PTPN11: variants seen among roughly 807,000 people sequenced by gnomAD.
PTPN11 encodes protein tyrosine phosphatase non-receptor type 11, also known as tyrosine-protein phosphatase non-receptor type 11.
A neutral mutation model predicts 78.8 loss-of-function variants in PTPN11; 6 were observed. That is an observed-to-expected ratio of 0.08 (90% CI 0.04 to 0.15). The LOEUF (loss-of-function observed/expected upper bound fraction) is 0.15. PTPN11 is among the 10% of genes least tolerant of loss of function. PTPN11 has a pLI of 1.00. For synonymous variants in PTPN11, 221 were observed against 263.5 expected, an observed-to-expected ratio of 0.84 and a Z score of 1.56; for missense variants, 386 against 744.8, an observed-to-expected ratio of 0.52 and a Z score of 5.61.
chr12:112,469,041 G>GT (rs1271430059), intron 6 of PTPN11, among the ~76,000 whole-genome samples: 1 of 152,118 alleles, frequency 6.6e-6, no homozygotes, highest in Non-Finnish European at 1.5e-5. Context: ...TCCAGCCTGG[G>GT]TGAGAGAGCA....
chr12:112,495,252 C>G (rs1252165811), intron 13 of PTPN11, among the ~76,000 whole-genome samples: 1 of 152,140 alleles, frequency 6.6e-6, no homozygotes, highest in African/African-American at 2.4e-5. Context: ...AATGAATATC[C>G]TTTTTCTGTT....
chr12:112,488,301 A>G, intron 11 of PTPN11, 142 bp from the exon 12 acceptor site: 10 of 844,398 alleles, frequency 1.2e-5, no homozygotes, highest in South Asian at 2.8e-5. Context: ...TTTTGCCAAC[A>G]TATTTTCAAA....
At chr12:112,437,238 C>T (rs1433479943) in intron 1 of PTPN11, among the ~76,000 whole-genome samples, 2 of 152,056 alleles carry the variant, frequency 1.3e-5, no homozygotes, top group East Asian at 3.9e-4. Flanking sequence ...GCAGCCTCTG[C>T]CTCCCGCCTC....
intron 4 of PTPN11, 122 bp from the exon 5 acceptor site, chr12:112,454,442 A>G: frequency 2.5e-6 from 2 of 808,462 alleles, no homozygotes; most frequent in Non-Finnish European, 4.3e-6. Context: ...TTTGATGGAC[A>G]TTTAAGTTGT....
At chr12:112,475,729 TTGTG>T (rs902672333) in intron 7 of PTPN11, among the ~76,000 whole-genome samples, 46 of 152,326 alleles carry the variant, frequency 3.0e-4, no homozygotes, top group African/African-American at 1.0e-3. Context: ...AAACCATTCT[TTGTG>T]TGTGTCTATG....
At chr12:112,428,396 CTTTTT>C (rs11312766) in intron 1 of PTPN11, among the ~76,000 whole-genome samples, 35 of 84,478 alleles carry the variant, frequency 4.1e-4, no homozygotes, top group African/African-American at 1.3e-3. Flanking sequence ...TGTGTGTTGT[CTTTTT>C]TTTTTTTTTT....
intron 1 of PTPN11, among the ~76,000 whole-genome samples, chr12:112,442,555 G>T (rs2037909894): frequency 6.6e-6 from 1 of 151,572 alleles, no homozygotes; most frequent in South Asian, 2.1e-4. Flanking sequence ...GGGTTCAAGT[G>T]ATTCTCCTGC....
At chr12:112,472,758 C>T (rs928840197) in intron 6 of PTPN11, among the ~76,000 whole-genome samples, 186 bp from the exon 7 acceptor site, 2 of 152,280 alleles carry the variant, frequency 1.3e-5, no homozygotes, top group African/African-American at 2.4e-5. Context: ...ACCTCAGCCT[C>T]CCAAAGTGTG....
intron 1 of PTPN11, among the ~76,000 whole-genome samples, chr12:112,438,504 C>T (rs1445893303): frequency 2.0e-5 from 3 of 150,510 alleles, no homozygotes; most frequent in Non-Finnish European, 3.0e-5. Flanking sequence ...TTTTTTGAGA[C>T]GAAGTCTTGC....
intron 10 of PTPN11, among the ~76,000 whole-genome samples, chr12:112,485,205 G>A (rs1646388812): frequency 6.6e-6 from 1 of 152,038 alleles, no homozygotes; most frequent in African/African-American, 2.4e-5. Flanking sequence ...AGTGAGCTGT[G>A]ATCAGGTCAC....
chr12:112,486,894 G>A (rs1327592019), intron 11 of PTPN11: 3 of 1,403,272 alleles, frequency 2.1e-6, no homozygotes, highest in Non-Finnish European at 2.8e-6. Flanking sequence ...GAGTCCACCA[G>A]AAGTTGTGCA....
chr12:112,441,966 AG>A (rs2037898592), intron 1 of PTPN11, among the ~76,000 whole-genome samples: 1 of 151,570 alleles, frequency 6.6e-6, no homozygotes, highest in Admixed American at 6.6e-5. Context: ...TTTAGTAGAG[AG>A]GGGGTTTCAC....
chr12:112,445,636 ATTC>A (rs2037980983), intron 1 of PTPN11, among the ~76,000 whole-genome samples: 1 of 144,900 alleles, frequency 6.9e-6, no homozygotes, highest in Non-Finnish European at 1.5e-5. Flanking sequence ...TAAGAAACTT[ATTC>A]TTTTTTTTTT....
intron 11 of PTPN11, among the ~76,000 whole-genome samples, chr12:112,487,850 C>G (rs909081305): frequency 6.6e-6 from 1 of 152,174 alleles, no homozygotes; most frequent in African/African-American, 2.4e-5. Flanking sequence ...ATTGAGCGAT[C>G]TTAGCTCACT....
At chr12:112,473,605 C>A (rs764367570) in intron 7 of PTPN11, among the ~76,000 whole-genome samples, 1 of 151,504 alleles carries the variant, frequency 6.6e-6, no homozygotes, top group African/African-American at 2.4e-5. Flanking sequence ...CCAGCACTTT[C>A]GGAGGCCGAG....
At chr12:112,474,493 C>A (rs1028602871) in intron 7 of PTPN11, among the ~76,000 whole-genome samples, 2 of 152,014 alleles carry the variant, frequency 1.3e-5, no homozygotes, top group Non-Finnish European at 1.5e-5. Flanking sequence ...GTTGGGATTA[C>A]CAGTGCAAGC....
In PTPN11 at chr12:112,488,302, T is replaced by C. The variant is rs560747315; in HGVS notation, c.1380-141T>C. 13 of 851,832 alleles carry C rather than the reference T, an allele frequency of 1.5e-5. No homozygotes were observed. In the South Asian group the frequency reaches 1.8e-4, roughly 12 times the overall value. 52.8% of individuals were successfully genotyped at this position (851,832 alleles called of 1,614,324 possible). The stretch of plus-strand genomic sequence containing the variant: ...CAAAGCCCTATGCTTTTTGCCAACA[T>C]ATTTTCAAACATAAATAGACAATTT... On this transcript the variant is annotated intron_variant, in intron 11 of 15. Transcript: ENST00000351677.
chr12:112,486,482 C>A lies in PTPN11; in HGVS notation c.1232C>A (p.Thr411Lys), dbSNP rs121918467. 1.2e-6 allele frequency: 2 copies of A among 1,613,772 alleles called. No homozygotes were observed. Among genetic ancestry groups the A allele is most frequent in the South Asian group, 2.2e-5 (2 of 91,082 alleles). ...TTCTTGGCTCTACTCCAGGGGAATA[C>A]GGAGAGAACGGTCTGGCAATACCAC... ...LKLSKVGQGN[T>K]ERTVWQYHFR... The change falls in exon 11 of 16, where the codon ACG (threonine) becomes AAG (lysine). Residue 411 changes from threonine (T) to lysine (K), a missense_variant. By Grantham distance (78) the Thr-to-Lys change is moderately conservative. This residue lies in a region of PTPN11 where 279 missense variants were observed against 503.3 expected (regional missense o/e 0.55). Coordinates refer to ENST00000351677, the MANE Select transcript of PTPN11 (RefSeq NM_002834.5).
intron 13 of PTPN11, among the ~76,000 whole-genome samples, chr12:112,492,803 C>G (rs181124420): frequency 1.3e-5 from 2 of 152,174 alleles, no homozygotes; most frequent in Non-Finnish European, 2.9e-5. Flanking sequence ...AGATGTGAGT[C>G]ACTGCGCCCG....
Sources: allele counts gnomAD v4.1 joint callset (sites outside exome capture counted in the v4.1 genomes callset), GRCh38; gene constraint gnomAD v4.1.1; regional missense constraint gnomAD v4.1.1; transcripts MANE v1.5; gene names NCBI Gene and HGNC (gene_info 2026-07-23, HGNC 2026-07-21).